The following RUFY4 variants were observed in gnomAD, a reference collection of about 807,000 sequenced individuals.
RUFY4 encodes the protein RUN and FYVE domain containing 4, also known as RUN and FYVE domain-containing protein 4.
RUFY4 carries 73 observed loss-of-function variants against 69.0 expected under a neutral mutation model. The observed-to-expected ratio is 1.06, with a 90% CI of 0.88 to 1.29. The LOEUF (loss-of-function observed/expected upper bound fraction) is 1.29. RUFY4 is among the 50% of genes most tolerant of loss of function. The pLI, the probability that RUFY4 is intolerant of heterozygous loss-of-function variation, is 0.00. For synonymous variants in RUFY4, 287 were observed against 271.8 expected, an observed-to-expected ratio of 1.06 and a Z score of -0.55; for missense variants, 770 against 705.6, an observed-to-expected ratio of 1.09 and a Z score of -1.03.
chr2:218,063,086 G>A (rs753763365), intron 3 of RUFY4, among the ~76,000 whole-genome samples: 50 of 152,364 alleles, frequency 3.3e-4, no homozygotes, highest in Middle Eastern at 3.4e-3. Context: ...AAGCCTGGGT[G>A]TAGAGGGTGG....
At chr2:218,051,908 A>G (rs1011214082) in intron 2 of RUFY4, among the ~76,000 whole-genome samples, 2 of 152,228 alleles carry the variant, frequency 1.3e-5, no homozygotes, top group Non-Finnish European at 2.9e-5. Context: ...TGAATTTTCA[A>G]TCATCTTCTA....
chr2:218,083,949 C>T (rs1025585996), intron 9 of RUFY4, among the ~76,000 whole-genome samples: 3 of 151,732 alleles, frequency 2.0e-5, no homozygotes, highest in Non-Finnish European at 4.4e-5. Flanking sequence ...GAGGTGATCA[C>T]GTGTCCTACA....
chr2:218,048,083 C>T (rs1281620372), intron 2 of RUFY4, among the ~76,000 whole-genome samples: 2 of 152,144 alleles, frequency 1.3e-5, no homozygotes, highest in Non-Finnish European at 2.9e-5. Context: ...CCAGTAACAG[C>T]GTATAAGCGT....
At chr2:218,041,532 GC>G (rs1364086137) in intron 2 of RUFY4, among the ~76,000 whole-genome samples, 1 of 151,874 alleles carries the variant, frequency 6.6e-6, no homozygotes, top group Non-Finnish European at 1.5e-5. Context: ...CAGTTCAGGA[GC>G]TCCACTGAGG....
chr2:218,045,376 TAAG>T (rs966730805), intron 2 of RUFY4, among the ~76,000 whole-genome samples: 3 of 152,238 alleles, frequency 2.0e-5, no homozygotes, highest in Non-Finnish European at 4.4e-5. Context: ...TAAGAATATT[TAAG>T]AAGAGTTTCC....
intron 2 of RUFY4, among the ~76,000 whole-genome samples, chr2:218,055,011 C>T (rs779636442): frequency 5.9e-5 from 9 of 152,152 alleles, no homozygotes; most frequent in Admixed American, 2.0e-4. Context: ...ATGAAGTTAT[C>T]ATATTTTAAC....
At chr2:218,055,872 A>T (rs113372160) in intron 2 of RUFY4, among the ~76,000 whole-genome samples, 3,154 of 152,294 alleles carry the variant, frequency 0.021, 131 homozygotes, top group African/African-American at 0.073. Context: ...ATACAACTCC[A>T]TATGGTAATA....
At chr2:218,075,850 TA>T (rs1439749050) in intron 7 of RUFY4, 110 bp downstream of exon 9, 1 of 1,109,852 alleles carries the variant, frequency 9.0e-7, no homozygotes, top group East Asian at 2.8e-5. Flanking sequence ...GGTCAATTTT[TA>T]TTGGCCCACT....
chr2:218,047,622 TATTA>T (rs1488708299), intron 2 of RUFY4, among the ~76,000 whole-genome samples: 1 of 152,186 alleles, frequency 6.6e-6, no homozygotes, highest in Non-Finnish European at 1.5e-5. Context: ...TAATTACATG[TATTA>T]ATTAAAATTC....
chr2:218,043,935 G>A (rs1479675318), intron 2 of RUFY4, among the ~76,000 whole-genome samples: 3 of 152,264 alleles, frequency 2.0e-5, no homozygotes, highest in Non-Finnish European at 4.4e-5. Flanking sequence ...GAAGGGGGCT[G>A]AGGAGGCAGG....
chr2:218,079,723 C>T (rs914828285), intron 8 of RUFY4, among the ~76,000 whole-genome samples: 3 of 152,004 alleles, frequency 2.0e-5, no homozygotes, highest in African/African-American at 4.8e-5. Context: ...GAAAGGAGCC[C>T]GTGGGCATCA....
intron 7 of RUFY4, among the ~76,000 whole-genome samples, chr2:218,076,173 C>T (rs1689627106): frequency 6.6e-6 from 1 of 152,220 alleles, no homozygotes; most frequent in Non-Finnish European, 1.5e-5. Context: ...CCAAGCCTCC[C>T]TTCGGCCTCC....
chr2:218,065,409 C>G (rs926592947), upstream of RUFY4: 1 of 152,598 alleles, frequency 6.6e-6, no homozygotes, highest in Non-Finnish European at 1.5e-5. Context: ...CAGGCTTTGC[C>G]CAAGGGCAAG....
At position 218,057,003 on chromosome 2, in the gene RUFY4, C is replaced by T. The variant is rs368560266; in HGVS notation, c.-1157-1592C>T. ...CTGAGGCAGGCGAATCTCTTGAACC[C>T]GGGAGGCCGAGGTTGCAGTGAGCCA... On this transcript the variant is annotated intron_variant and NMD_transcript_variant, in intron 2 of 13. Coordinates refer to the RUFY4 transcript ENST00000457754. 3.2e-3 allele frequency among the ~76,000 whole-genome samples: 486 copies of T among 151,540 alleles called. 2 individuals are homozygous for T. Among genetic ancestry groups the T allele is most frequent in the African/African-American group, 0.011 (447 of 41,212 alleles).
chr2:218,048,529 G>A (rs1324701423), intron 2 of RUFY4, among the ~76,000 whole-genome samples: 1 of 152,068 alleles, frequency 6.6e-6, no homozygotes, highest in East Asian at 1.9e-4. Flanking sequence ...ACCCAGAATG[G>A]TATTTCCTAG....
chr2:218,057,196 A>G (rs529405360), intron 2 of RUFY4, among the ~76,000 whole-genome samples: 69 of 152,358 alleles, frequency 4.5e-4, no homozygotes, highest in Non-Finnish European at 9.0e-4. Flanking sequence ...TTTCAAAACA[A>G]TACTTAACAT....
chr2:218,085,084 T>C (rs896712672), intron 9 of RUFY4, among the ~76,000 whole-genome samples: 1 of 152,046 alleles, frequency 6.6e-6, no homozygotes, highest in African/African-American at 2.4e-5. Flanking sequence ...ACGTGGAACA[T>C]ATAATAGAAA....
At chr2:218,084,148 G>A (rs1483733540) in intron 9 of RUFY4, among the ~76,000 whole-genome samples, 1 of 152,090 alleles carries the variant, frequency 6.6e-6, no homozygotes, top group Non-Finnish European at 1.5e-5. Context: ...ACATACATAT[G>A]TTATCCTCTC....
At chr2:218,061,027 C>T (rs749614412) in intron 3 of RUFY4, 11 of 710,108 alleles carry the variant, frequency 1.5e-5, no homozygotes, top group Admixed American at 3.6e-5. Context: ...AGAATACCAC[C>T]GTAGAAGTTG....
Sources: allele counts gnomAD v4.1 joint callset (sites outside exome capture counted in the v4.1 genomes callset), GRCh38; gene constraint gnomAD v4.1.1; transcripts MANE v1.5; gene names NCBI Gene and HGNC (gene_info 2026-07-23, HGNC 2026-07-21).